Variants in ANKS1B observed in about 807,000 individuals in gnomAD.
ANKS1B encodes the protein ankyrin repeat and sterile alpha motif domain containing 1B.
Under a neutral mutation model 148.3 loss-of-function variants are expected in ANKS1B, and 36 were observed. The ratio of observed to expected loss-of-function variants is 0.24; its 90% confidence interval spans 0.19 to 0.32. The LOEUF is 0.32. Among genes scored for constraint, ANKS1B ranks in the 10% least tolerant of loss-of-function variants. ANKS1B has a pLI of 1.00. For missense variants in ANKS1B, 1,157 were observed against 1,542.6 expected, an observed-to-expected ratio of 0.75 and a Z score of 4.19; for synonymous variants, 542 against 560.8, an observed-to-expected ratio of 0.97 and a Z score of 0.47.
chr12:99,315,238 C>G (rs1460560207), intron 12 of ANKS1B, among the ~76,000 whole-genome samples: 1 of 84,676 alleles, frequency 1.2e-5, no homozygotes, highest in African/African-American at 3.9e-5. Context: ...GACTTCATCT[C>G]AAAAAAAAAA....
In ANKS1B at chr12:99,958,337, G is replaced by A. The variant is rs145173112; in HGVS notation, c.134+25767C>T. On this transcript the variant is annotated intron_variant, in intron 1 of 26. Transcript: ENST00000683438. The stretch of plus-strand genomic sequence containing the variant: ...AAGGCCTCAAGTGATGTGCCAAAGA[G>A]TATGGACTTTATTCATTAAGCAATG... 3.3e-3 allele frequency among the ~76,000 whole-genome samples: 501 copies of A among 152,296 alleles called. 5 individuals are homozygous for A. Among genetic ancestry groups the A allele is most frequent in the African/African-American group, 0.011 (473 of 41,554 alleles).
intron 14 of ANKS1B, among the ~76,000 whole-genome samples, chr12:99,185,832 G>A (rs769697987): frequency 6.6e-6 from 1 of 152,202 alleles, no homozygotes; most frequent in Admixed American, 6.5e-5. Context: ...GGCAGACACC[G>A]AGTTAGCTGC....
At chr12:98,981,241 G>A (rs1173160131) in intron 17 of ANKS1B, among the ~76,000 whole-genome samples, 2 of 151,944 alleles carry the variant, frequency 1.3e-5, no homozygotes, top group African/African-American at 2.4e-5. Flanking sequence ...GGCCTCAAGC[G>A]ATCCTCCCAC....
chr12:99,926,560 AG>A (rs1299011647), intron 1 of ANKS1B, among the ~76,000 whole-genome samples: 2 of 152,246 alleles, frequency 1.3e-5, no homozygotes, highest in East Asian at 3.8e-4. Context: ...GCTGGTCTTC[AG>A]AATGGAACCA....
chr12:99,076,717 C>T (rs920187159), intron 16 of ANKS1B, among the ~76,000 whole-genome samples: 1 of 152,148 alleles, frequency 6.6e-6, no homozygotes, highest in African/African-American at 2.4e-5. Context: ...CTGAGTTCTT[C>T]CCTGTTTAGA....
intron 9 of ANKS1B, among the ~76,000 whole-genome samples, chr12:99,618,950 T>C (rs542564081): frequency 1.3e-5 from 2 of 152,224 alleles, no homozygotes; most frequent in South Asian, 4.2e-4. Flanking sequence ...GCACTGGAAT[T>C]GTACTCTACC....
intron 17 of ANKS1B, among the ~76,000 whole-genome samples, chr12:99,044,607 C>T (rs1278765798): frequency 1.3e-5 from 2 of 152,130 alleles, no homozygotes; most frequent in Admixed American, 6.5e-5. Context: ...GCTATCTATG[C>T]ACCCAAGGTA....
Position 99,283,971 on chromosome 12 carries a change from C to CT in ANKS1B, c.1757-37108dup, listed in dbSNP as rs200082351. On this transcript the variant is annotated intron_variant, in intron 12 of 26. Coordinates refer to ENST00000683438, the MANE Select transcript of ANKS1B (RefSeq NM_001352186.2). ...AATGGATGAATTAATATCTGAATGGCTTTTTTTTGCTTTTCCTTAACAAGA... is the reference window on the plus strand; with the variant it reads ...AATGGATGAATTAATATCTGAATGGCTTTTTTTTTGCTTTTCCTTAACAAGA... Among the ~76,000 whole-genome samples, 547 of 151,900 alleles carry CT rather than the reference C, an allele frequency of 3.6e-3. 12 individuals carry two copies. Among genetic ancestry groups the CT allele is most frequent in the Admixed American group, 0.023 (356 of 15,228 alleles).
chr12:99,534,771 A>G (rs777626202), intron 9 of ANKS1B, among the ~76,000 whole-genome samples: 97 of 134,062 alleles, frequency 7.2e-4, no homozygotes, highest in Non-Finnish European at 1.1e-3. Context: ...GTGCAGTGGC[A>G]TTATTTCGGC....
At chr12:99,731,974 A>G (rs1428865424) in intron 8 of ANKS1B, among the ~76,000 whole-genome samples, 1 of 152,234 alleles carries the variant, frequency 6.6e-6, no homozygotes, top group Non-Finnish European at 1.5e-5. Context: ...AATAATATAG[A>G]CAATCCAATT....
chr12:99,798,595 A>G (rs1450366402), intron 4 of ANKS1B, among the ~76,000 whole-genome samples: 1 of 151,988 alleles, frequency 6.6e-6, no homozygotes, highest in Non-Finnish European at 1.5e-5. Context: ...GACAGAATAC[A>G]ATGTGTCCAG....
At chr12:99,958,932 G>C (rs1047224757) in intron 1 of ANKS1B, among the ~76,000 whole-genome samples, 4 of 152,156 alleles carry the variant, frequency 2.6e-5, no homozygotes, top group African/African-American at 9.7e-5. Flanking sequence ...CTCCATTGAG[G>C]AGGAGATGTT....
intron 8 of ANKS1B, among the ~76,000 whole-genome samples, chr12:99,666,640 A>T (rs2098508467): frequency 1.3e-5 from 2 of 152,264 alleles, no homozygotes; most frequent in South Asian, 4.1e-4. Context: ...GTTAAATATG[A>T]AGGGGTAAAC....
chr12:99,540,173 A>C (rs561380152), intron 9 of ANKS1B, among the ~76,000 whole-genome samples: 1 of 152,270 alleles, frequency 6.6e-6, no homozygotes, highest in Non-Finnish European at 1.5e-5. Context: ...ACAAAAAGTA[A>C]CAGAATTGAA....
intron 17 of ANKS1B, among the ~76,000 whole-genome samples, chr12:98,879,611 A>G (rs1011148273): frequency 3.3e-5 from 5 of 152,072 alleles, no homozygotes; most frequent in Admixed American, 2.6e-4. Context: ...CTCTCCTCCA[A>G]TATCAATTCC....
At chr12:99,960,882 T>C (rs2095401513) in intron 1 of ANKS1B, among the ~76,000 whole-genome samples, 1 of 151,946 alleles carries the variant, frequency 6.6e-6, no homozygotes, top group African/African-American at 2.4e-5. Flanking sequence ...ATTAACACAA[T>C]TGTCACTTTG....
At chr12:98,868,040 C>A (rs1211761111) in intron 17 of ANKS1B, among the ~76,000 whole-genome samples, 1 of 152,132 alleles carries the variant, frequency 6.6e-6, no homozygotes, top group Non-Finnish European at 1.5e-5. Flanking sequence ...GATCTAAACA[C>A]CACAGTCCCA....
At chr12:98,817,848 C>G (rs1042159660) in intron 19 of ANKS1B, among the ~76,000 whole-genome samples, 1 of 152,162 alleles carries the variant, frequency 6.6e-6, no homozygotes, top group Non-Finnish European at 1.5e-5. Context: ...ACTTCATGAT[C>G]GTGACCTTCC....
At chr12:99,180,753 A>T (rs574785160) in intron 14 of ANKS1B, among the ~76,000 whole-genome samples, 13 of 152,142 alleles carry the variant, frequency 8.5e-5, no homozygotes, top group African/African-American at 2.9e-4. Flanking sequence ...TCCAAACACA[A>T]AACCCCAAAG....
Sources: allele counts gnomAD v4.1 joint callset (sites outside exome capture counted in the v4.1 genomes callset), GRCh38; gene constraint gnomAD v4.1.1; transcripts MANE v1.5; gene names NCBI Gene and HGNC (gene_info 2026-07-23, HGNC 2026-07-21).